The following MYRF variants were observed in gnomAD, a reference collection of about 807,000 sequenced individuals.
MYRF encodes the protein myelin regulatory factor, also known as myelin gene regulatory factor.
Under a neutral mutation model 126.3 loss-of-function variants are expected in MYRF, and 16 were observed. The ratio of observed to expected loss-of-function variants is 0.13; its 90% CI spans 0.09 to 0.19. The LOEUF is 0.19. MYRF is among the 10% of genes least tolerant of loss of function. The probability of loss-of-function intolerance (pLI) is 1.00; values close to 1 mark genes in which losing one functional copy is unlikely to be tolerated. For missense variants in MYRF, 1,104 were observed against 1,547.0 expected (o/e 0.71, Z 4.80); for synonymous variants, 608 against 635.3 (o/e 0.96, Z 0.65).
intron 1 of MYRF, among the ~76,000 whole-genome samples, chr11:61,758,997 A>T (rs1166378333): frequency 2.0e-5 from 3 of 152,214 alleles, no homozygotes; most frequent in African/African-American, 7.2e-5. Context: ...GTGGTACGTG[A>T]TCATGCGCAT....
In MYRF at chr11:61,766,074, C is replaced by T. The variant is rs550964188; in HGVS notation, c.251C>T (p.Pro84Leu). Residue 84 changes from proline (P) to leucine (L), a missense_variant, in exon 3 of 27, where the codon CCG (proline) becomes CTG (leucine). Coordinates refer to ENST00000278836, the MANE Select transcript of MYRF (RefSeq NM_001127392.3). ...AGCCCCCCTGGGGGTGGACCCTCCC[C>T]GGGGCGCCATGGTCCCCTCCCACCC... ...HLSPPGGGPSPGRHGPLPPPG... is the reference protein window; with the variant it reads ...HLSPPGGGPSLGRHGPLPPPG... The T allele has an allele frequency of 1.3e-5, 21 of 1,605,192 alleles. No homozygotes were observed. The highest frequency in any genetic ancestry group is 1.2e-4 in the South Asian group (11 of 90,874).
In MYRF at chr11:61,777,091, CCCACA is replaced by C. The variant is rs2066405153; in HGVS notation, c.1591-172_1591-168del. 6.6e-6 allele frequency among the ~76,000 whole-genome samples: 1 copy of C among 152,102 alleles called. No individual in the cohort carries two copies. The highest frequency in any genetic ancestry group is 1.5e-5 in the Non-Finnish European group (1 of 68,014). On this transcript the variant is annotated intron_variant, in intron 11 of 26. Coordinates refer to ENST00000278836, the MANE Select transcript of MYRF (RefSeq NM_001127392.3). This position sits in a 1 kb window ranked among gnomAD's most constrained non-coding sequence, Gnocchi z 8.8. ...GACGAAGCCTGGTAGCTTCTGGGAT[CCCACA>C]AGTGACAAAAAGTTGTCACAGTGGG...
At chr11:61,762,747 GAGA>G (rs1297500975) in intron 1 of MYRF, among the ~76,000 whole-genome samples, 1 of 152,170 alleles carries the variant, frequency 6.6e-6, no homozygotes, top group African/African-American at 2.4e-5. Flanking sequence ...GGGCTTCCAG[GAGA>G]AGGTGTGGGG....
rs1302378247 is a variant in MYRF, at chr11:61,777,008, T to C, written c.1590+131T>C. On this transcript the variant is annotated intron_variant, in intron 11 of 26. Coordinates refer to ENST00000278836, the MANE Select transcript of MYRF (RefSeq NM_001127392.3). The surrounding 1 kb of genome is among the most constrained non-coding windows in gnomAD (Gnocchi z 8.8). ...CTGCTAGGCACTGGCTGTGTGGCCT[T>C]GGGCAAAGCTCCCACCCTCTCTGGG... The C allele has an allele frequency of 1.1e-6, 1 of 886,108 alleles. No homozygotes were observed. The highest frequency in any genetic ancestry group is 1.7e-6 in the Non-Finnish European group (1 of 588,358). 54.9% of individuals were successfully genotyped at this position (886,108 alleles called of 1,614,324 possible). A position where few individuals can be genotyped will look rare whatever the true frequency, so the allele number is the denominator to read the frequency against.
Position 61,774,073 on chromosome 11 carries a change from A to C in MYRF, c.1222A>C (p.Ile408Leu). 6.2e-7 allele frequency: 1 copy of C among 1,613,870 alleles called. No homozygotes were observed. Among genetic ancestry groups the C allele is most frequent in the Non-Finnish European group, 8.5e-7 (1 of 1,179,972 alleles). The change falls in exon 8 of 27, where the codon ATC becomes CTC. Residue 408 changes from isoleucine to leucine, a missense_variant. Around this residue, in one of 10 missense-constraint regions of MYRF, gnomAD observed 36 missense variants for 47.5 expected, o/e 0.76. Coordinates refer to ENST00000278836, the MANE Select transcript of MYRF (RefSeq NM_001127392.3). Reference sequence around the variant, plus strand: ...GAACCACTTCCAGGTGACAGTGTACATCGGCATGCTGGGCGAGCCCAAGTA... The same window carrying C: ...GAACCACTTCCAGGTGACAGTGTACCTCGGCATGCTGGGCGAGCCCAAGTA... Reference protein sequence around the residue: ...KKNHFQVTVYIGMLGEPKYVK... With the variant: ...KKNHFQVTVYLGMLGEPKYVK...
At chr11:61,770,834 C>T (rs754182841) in intron 5 of MYRF, among the ~76,000 whole-genome samples, 8 of 152,094 alleles carry the variant, frequency 5.3e-5, no homozygotes, top group East Asian at 1.9e-4. Context: ...GGACTGGGCC[C>T]GGGGCTGTGC....
In MYRF at chr11:61,784,455, A is replaced by C. The variant is rs174536; in HGVS notation, c.3300+70A>C. 0.34 allele frequency: 427,926 copies of C among 1,275,984 alleles called. 79,184 individuals carry two copies. Among genetic ancestry groups the C allele is most frequent in the Admixed American group, 0.6 (30,765 of 51,628 alleles). 79.0% of individuals were successfully genotyped at this position (1,275,984 alleles called of 1,614,324 possible). A position where few individuals can be genotyped will look rare whatever the true frequency, so the allele number is the denominator to read the frequency against. On this transcript the variant is annotated intron_variant, in intron 25 of 26. Coordinates refer to ENST00000278836, the MANE Select transcript of MYRF (RefSeq NM_001127392.3). Reference sequence around the variant, plus strand: ...TTCTCTCCTGGCACAACTGGGCCCCAAAATGGGCAAGGAGCAGAAGCTGGG... The same window carrying C: ...TTCTCTCCTGGCACAACTGGGCCCCCAAATGGGCAAGGAGCAGAAGCTGGG...
Position 61,779,292 on chromosome 11 carries a change from C to G in MYRF, c.2043C>G (p.Ala681=), listed in dbSNP as rs377055898. The G allele has an allele frequency of 9.7e-6, 15 of 1,547,550 alleles. 1 individual carries two copies. The South Asian group carries it at 1.5e-4, about 16-fold the overall frequency. Residue 681 remains alanine, a synonymous_variant, in exon 15 of 27, where the codon GCC becomes GCG. Coordinates refer to ENST00000278836, the MANE Select transcript of MYRF (RefSeq NM_001127392.3). ...KERIFMENVG[A]VKELCKLTDN... The stretch of plus-strand genomic sequence containing the variant: ...GCATCTTCATGGAGAACGTAGGGGC[C>G]GTGAAGGAGCTGTGCAAGCTGACAG...
At chr11:61,769,449 A>G (rs565510782) in intron 4 of MYRF, 128 bp downstream of exon 4, 1 of 712,120 alleles carries the variant, frequency 1.4e-6, no homozygotes, top group East Asian at 2.8e-5. Flanking sequence ...ATCGCTGGTC[A>G]AATACTCCCT....
rs770025510 is a variant in MYRF, at chr11:61,786,184, GCCCAGGCA to G, written c.*45_*52del. Reference sequence around the variant, plus strand: ...CAGCACCACACCAGGGACCAGGGGTGCCCAGGCACCCCCCAACACTGGATGCAATGGTG... The same window carrying G: ...CAGCACCACACCAGGGACCAGGGGTGCCCCCCAACACTGGATGCAATGGTG... On this transcript the variant is annotated 3_prime_UTR_variant, in exon 27 of 27. Coordinates refer to ENST00000278836, the MANE Select transcript of MYRF (RefSeq NM_001127392.3). This position sits in a 1 kb window ranked among gnomAD's most constrained non-coding sequence, Gnocchi z 4.5. 17 of 1,590,486 alleles carry G rather than the reference GCCCAGGCA, an allele frequency of 1.1e-5. No individual in the cohort carries two copies. Among genetic ancestry groups the G allele is most frequent in the Non-Finnish European group, 1.2e-5 (14 of 1,159,330 alleles).
chr11:61,770,684 T>C (rs1054456404), intron 5 of MYRF, among the ~76,000 whole-genome samples, 159 bp downstream of exon 5: 2 of 152,184 alleles, frequency 1.3e-5, no homozygotes, highest in Admixed American at 6.5e-5. Flanking sequence ...TATTTATACA[T>C]GTTTACCCAG....
intron 2 of MYRF, 49 bp from the exon 3 acceptor site, chr11:61,765,909 G>A (rs1355807820): frequency 6.8e-7 from 1 of 1,464,870 alleles, no homozygotes; most frequent in South Asian, 1.4e-5. Context: ...CTACTTCCCT[G>A]CTGGGGCTGG....
In MYRF at chr11:61,770,273, C is replaced by A. The variant is rs2135780486; in HGVS notation, c.488C>A (p.Pro163His). The A allele has an allele frequency of 6.2e-7, 1 of 1,608,768 alleles. No individual in the cohort carries two copies. Among genetic ancestry groups the A allele is most frequent in the Non-Finnish European group, 8.5e-7 (1 of 1,178,950 alleles). Reference sequence around the variant, plus strand: ...CCCCACCTCCTGCGCACGATAACCCCTGAGACACTGTGCCACGTGGGAGTG... The same window carrying A: ...CCCCACCTCCTGCGCACGATAACCCATGAGACACTGTGCCACGTGGGAGTG... ...NEPHLLRTIT[P>H]ETLCHVGVPS... The change falls in exon 5 of 27, where the codon CCT (proline) becomes CAT (histidine). Residue 163 changes from proline (P) to histidine (H), a missense_variant. Around this residue, in one of 10 missense-constraint regions of MYRF, gnomAD observed 368 missense variants for 403.9 expected, o/e 0.91. Coordinates refer to ENST00000278836, the MANE Select transcript of MYRF (RefSeq NM_001127392.3).
chr11:61,777,774 G>C lies in MYRF; in HGVS notation c.1832G>C (p.Arg611Pro). ...TEQLKRISRM[R>P]LVHYRYKPEF... ...CAATTGAAGAGGATCTCGCGCATGC[G>C]GCTGGTGCACTACAGATACAAGCCC... Residue 611 changes from arginine to proline, a missense_variant, in exon 13 of 27, where the codon CGG becomes CCG. Arg to Pro is a moderately radical substitution (Grantham distance 103). Coordinates refer to ENST00000278836, the MANE Select transcript of MYRF (RefSeq NM_001127392.3). The surrounding 1 kb of genome is among the most constrained non-coding windows in gnomAD (Gnocchi z 8.8). 6.4e-7 allele frequency: 1 copy of C among 1,552,092 alleles called. No individual in the cohort carries two copies. The highest frequency in any genetic ancestry group is 8.7e-7 in the Non-Finnish European group (1 of 1,147,284).
chr11:61,784,914 T>C (rs1221292419), intron 25 of MYRF: 2 of 153,748 alleles, frequency 1.3e-5, no homozygotes, highest in African/African-American at 4.8e-5. Flanking sequence ...CAGTTTCTTC[T>C]TGAGCCTAAG....
intron 1 of MYRF, among the ~76,000 whole-genome samples, chr11:61,762,912 C>T (rs2065939515): frequency 6.6e-6 from 1 of 152,194 alleles, no homozygotes; most frequent in African/African-American, 2.4e-5. Context: ...AGGGTCCCTC[C>T]TCCCCCAAAG....
chr11:61,778,816 T>G lies in MYRF; in HGVS notation c.2013+327T>G. 1.8e-6 allele frequency: 1 copy of G among 560,400 alleles called. No individual in the cohort carries two copies. Among genetic ancestry groups the G allele is most frequent in the Non-Finnish European group, 3.4e-6 (1 of 294,588 alleles). 34.7% of individuals were successfully genotyped at this position (560,400 alleles called of 1,614,324 possible). Reference sequence around the variant, plus strand: ...TCGTATGGTTACCTCCAGGCTGAAATACGTGGTTTATTGTGAGGACGACGT... The same window carrying G: ...TCGTATGGTTACCTCCAGGCTGAAAGACGTGGTTTATTGTGAGGACGACGT... On this transcript the variant is annotated intron_variant, in intron 14 of 26. Transcript: ENST00000278836. This position sits in a 1 kb window ranked among gnomAD's most constrained non-coding sequence, Gnocchi z 4.6.
intron 1 of MYRF, among the ~76,000 whole-genome samples, chr11:61,762,667 G>A (rs117187948): frequency 6.6e-6 from 1 of 152,194 alleles, no homozygotes; most frequent in South Asian, 2.1e-4. Flanking sequence ...AAGTCTGTTA[G>A]AAATCTCCAG....
chr11:61,783,201 G>A lies in MYRF; in HGVS notation c.3017-297G>A. 1 of 287,608 alleles carries A rather than the reference G, an allele frequency of 3.5e-6. No homozygotes were observed. Among genetic ancestry groups the A allele is most frequent in the Non-Finnish European group, 6.7e-6 (1 of 149,840 alleles). The allele number at this position is 287,608 out of a possible 1,614,324, so 17.8% of individuals were successfully genotyped here. A position where few individuals can be genotyped will look rare whatever the true frequency, so the allele number is the denominator to read the frequency against. ...GAACTGGGAGAGATGCCCGCAGTCAGGAACACAGGCCTCGAGCGGGCTCCT... is the reference window on the plus strand; with the variant it reads ...GAACTGGGAGAGATGCCCGCAGTCAAGAACACAGGCCTCGAGCGGGCTCCT... On this transcript the variant is annotated intron_variant, in intron 22 of 26. Coordinates refer to ENST00000278836, the MANE Select transcript of MYRF (RefSeq NM_001127392.3). This position sits in a 1 kb window ranked among gnomAD's most constrained non-coding sequence, Gnocchi z 4.6.
Sources: gnomAD v4.1 joint callset for allele counts (sites outside exome capture counted in the v4.1 genomes callset) on GRCh38, gnomAD v4.1.1 for gene constraint, gnomAD v4.1.1 regional missense constraint, Gnocchi (gnomAD v3.1) non-coding constraint, MANE v1.5 for transcripts, NCBI Gene and HGNC (gene_info 2026-07-23, HGNC 2026-07-21) for gene names.